DLGAP2: variants seen among roughly 807,000 people sequenced by gnomAD.
DLGAP2 encodes the protein disks large-associated protein 2.
In DLGAP2, 26 loss-of-function variants were observed where a neutral mutation model predicts 100.3. The observed-to-expected ratio is 0.26, with a 90% CI of 0.19 to 0.36. DLGAP2 has a LOEUF of 0.36. Ranked by LOEUF, DLGAP2 falls within the 10% of genes least tolerant of loss-of-function variation. DLGAP2 has a pLI of 1.00. For synonymous variants in DLGAP2, 886 were observed against 630.1 expected (o/e 1.41, Z -6.08); for missense variants, 1,858 against 1,453.2 (o/e 1.28, Z -4.53).
At chr8:1,178,810 G>A (rs931888986) in intron 2 of DLGAP2, among the ~76,000 whole-genome samples, 8 of 152,166 alleles carry the variant, frequency 5.3e-5, no homozygotes, top group African/African-American at 1.7e-4. Flanking sequence ...TGTGCCCACC[G>A]CCAGCATCTG....
At chr8:1,529,368 T>C (rs1270204418) in intron 4 of DLGAP2, among the ~76,000 whole-genome samples, 1 of 152,110 alleles carries the variant, frequency 6.6e-6, no homozygotes, top group Non-Finnish European at 1.5e-5. Context: ...GAAGATGAGA[T>C]TTAGATGGAG....
intron 14 of DLGAP2, 112 bp from the exon 15 acceptor site, chr8:1,701,076 C>G: frequency 1.0e-6 from 1 of 971,652 alleles, no homozygotes; most frequent in African/African-American, 1.7e-5. Flanking sequence ...AGGATGCGGC[C>G]CTGGGGGCTG....
intron 14 of DLGAP2, among the ~76,000 whole-genome samples, 169 bp downstream of exon 14, chr8:1,697,468 G>A (rs879257616): frequency 9.2e-5 from 14 of 151,754 alleles, no homozygotes; most frequent in East Asian, 7.7e-4. Flanking sequence ...ATGTGTGTGC[G>A]TGTGTGTGCA....
At chr8:1,524,144 G>C (rs981737507) in intron 4 of DLGAP2, among the ~76,000 whole-genome samples, 1 of 152,160 alleles carries the variant, frequency 6.6e-6, no homozygotes, top group African/African-American at 2.4e-5. Context: ...CTTTCAAGCA[G>C]AGACCAGAGT....
chr8:946,127 A>G (rs972886993), intron 2 of DLGAP2, among the ~76,000 whole-genome samples: 1 of 152,048 alleles, frequency 6.6e-6, no homozygotes, highest in Non-Finnish European at 1.5e-5. Context: ...GGCTCTGGGA[A>G]GCTGCGCTTG....
intron 2 of DLGAP2, among the ~76,000 whole-genome samples, chr8:998,026 T>C (rs573957662): frequency 3.3e-5 from 5 of 151,716 alleles, no homozygotes; most frequent in African/African-American, 1.2e-4. Flanking sequence ...CACACAAACA[T>C]GCATAAACAT....
intron 3 of DLGAP2, among the ~76,000 whole-genome samples, chr8:1,410,769 A>G (rs1049467574): frequency 5.3e-5 from 8 of 151,762 alleles, no homozygotes; most frequent in African/African-American, 1.7e-4. Context: ...TTTCTTGTTC[A>G]GGAATTTTCC....
chr8:1,364,898 G>C (rs148624475), intron 3 of DLGAP2, among the ~76,000 whole-genome samples: 1 of 152,140 alleles, frequency 6.6e-6, no homozygotes, highest in African/African-American at 2.4e-5. Flanking sequence ...TTCATGGCAG[G>C]GGGTAGTTTT....
At chr8:1,334,113 G>A (rs1189597076) in intron 3 of DLGAP2, among the ~76,000 whole-genome samples, 1 of 152,240 alleles carries the variant, frequency 6.6e-6, no homozygotes, top group Non-Finnish European at 1.5e-5. Context: ...TGGAAAGAGT[G>A]ACACACAGTG....
intron 2 of DLGAP2, among the ~76,000 whole-genome samples, chr8:1,008,640 T>A (rs552890463): frequency 2.6e-5 from 4 of 152,374 alleles, no homozygotes; most frequent in Non-Finnish European, 5.9e-5. Context: ...TTTGCATGGT[T>A]CTTACTGTGC....
chr8:1,275,759 TA>T (rs1278321114), intron 3 of DLGAP2, among the ~76,000 whole-genome samples: 4 of 129,938 alleles, frequency 3.1e-5, no homozygotes, highest in East Asian at 2.1e-4. Flanking sequence ...AATAAATATA[TA>T]AAAATATATA....
chr8:1,497,925 G>A (rs970562389), intron 3 of DLGAP2, among the ~76,000 whole-genome samples: 2 of 152,186 alleles, frequency 1.3e-5, no homozygotes, highest in Non-Finnish European at 2.9e-5. Context: ...CACAGCCCGT[G>A]GCACAGCCCT....
intron 3 of DLGAP2, among the ~76,000 whole-genome samples, chr8:1,359,968 G>A (rs993085490): frequency 1.3e-5 from 2 of 152,280 alleles, no homozygotes; most frequent in East Asian, 1.9e-4. Flanking sequence ...ACGAGTCCAC[G>A]GGTCCTGCCA....
At chr8:1,379,527 C>G (rs1796042656) in intron 3 of DLGAP2, 1 of 152,280 alleles carries the variant, frequency 6.6e-6, no homozygotes, top group Admixed American at 6.5e-5. Flanking sequence ...ATGCGCCCTG[C>G]TGTGTATACT....
chr8:784,202 T>C lies in DLGAP2; in HGVS notation c.18+46377T>C, dbSNP rs1312568586. Among the ~76,000 whole-genome samples, 6 of 152,370 alleles carry C rather than the reference T, an allele frequency of 3.9e-5. No homozygotes were observed. The East Asian group carries it at 1.2e-3, about 29-fold the overall frequency. The stretch of plus-strand genomic sequence containing the variant: ...ATTCAGTTTTAATGGTAATATTTAG[T>C]GTTCATCAAAATTTATAATTATATT... On this transcript the variant is annotated intron_variant, in intron 1 of 14. Coordinates refer to ENST00000637795, the MANE Select transcript of DLGAP2 (RefSeq NM_001346810.2).
chr8:773,595 G>A (rs1344114161), intron 1 of DLGAP2, among the ~76,000 whole-genome samples: 1 of 150,186 alleles, frequency 6.7e-6, no homozygotes, highest in Non-Finnish European at 1.5e-5. Flanking sequence ...AGAATATGCG[G>A]TGTTTGGTTT....
intron 4 of DLGAP2, among the ~76,000 whole-genome samples, chr8:1,539,732 C>T (rs866128141): frequency 6.6e-6 from 1 of 152,204 alleles, no homozygotes; most frequent in East Asian, 1.9e-4. Flanking sequence ...CACATTGCAT[C>T]GCTTTGCATG....
intron 3 of DLGAP2, among the ~76,000 whole-genome samples, chr8:1,392,915 T>A (rs1284762008): frequency 9.6e-5 from 13 of 135,736 alleles, no homozygotes; most frequent in African/African-American, 3.7e-4. Context: ...GGAGTCTCTG[T>A]GACTCTTTTT....
intron 4 of DLGAP2, among the ~76,000 whole-genome samples, chr8:1,535,524 A>G (rs1297299401): frequency 1.3e-5 from 2 of 152,168 alleles, no homozygotes. Flanking sequence ...GACGTGTTCA[A>G]GCGGTCAGAT....
Sources: allele counts gnomAD v4.1 joint callset (sites outside exome capture counted in the v4.1 genomes callset), GRCh38; gene constraint gnomAD v4.1.1; transcripts MANE v1.5; gene names NCBI Gene and HGNC (gene_info 2026-07-23, HGNC 2026-07-21).